The following ROBO1 variants were observed in gnomAD, a reference collection of about 807,000 sequenced individuals.
ROBO1 encodes roundabout homolog 1.
In ROBO1, 149 loss-of-function variants were observed where a neutral mutation model predicts 195.9. The observed-to-expected ratio is 0.76, with a 90% CI of 0.67 to 0.87. ROBO1 has a LOEUF of 0.87. Ranked by LOEUF, ROBO1 falls within the 40% of genes least tolerant of loss-of-function variation. The probability of loss-of-function intolerance (pLI) is 0.00; values close to 1 mark genes in which losing one functional copy is unlikely to be tolerated. For missense variants in ROBO1, 1,933 were observed against 2,068.3 expected (o/e 0.93, Z 1.27); for synonymous variants, 816 against 733.2 (o/e 1.11, Z -1.82).
chr3:79,573,139 G>A (rs970846633), intron 2 of ROBO1, among the ~76,000 whole-genome samples: 8 of 152,004 alleles, frequency 5.3e-5, no homozygotes, highest in Non-Finnish European at 8.8e-5. Context: ...AGCCTCCATC[G>A]GCTGGCTCAA....
intron 4 of ROBO1, among the ~76,000 whole-genome samples, chr3:78,847,182 C>T (rs935700672): frequency 6.6e-6 from 1 of 152,060 alleles, no homozygotes; most frequent in Admixed American, 6.6e-5. Flanking sequence ...ATATCCACTT[C>T]TGAGACATTA....
chr3:78,732,161 GCTTT>G (rs2082300508), intron 5 of ROBO1, among the ~76,000 whole-genome samples: 1 of 152,010 alleles, frequency 6.6e-6, no homozygotes, highest in South Asian at 2.1e-4. Context: ...TCTATAGAGG[GCTTT>G]CTTTGAGATA....
At chr3:78,711,354 C>CTTTCTTTCTTTCTTT (rs1559772810) in intron 8 of ROBO1, among the ~76,000 whole-genome samples, 2 of 65,180 alleles carry the variant, frequency 3.1e-5, no homozygotes, top group African/African-American at 8.0e-5. Context: ...CTTCCTCCTT[C>CTTTCTTTCTTTCTTT]CTTCCTTCCT....
chr3:78,938,615 G>C lies in ROBO1; in HGVS notation c.485C>G (p.Ser162Trp), dbSNP rs1320282147. ...YLGEAVSHNA[S>W]LEVAILRDDF... ...AGTTTACTTACTGGCTACTTCCAGC[G>C]ATGCATTGTGGCTCACAGCCTCTCC... The change falls in exon 4 of 31, where the codon TCG becomes TGG. Residue 162 changes from serine to tryptophan, a missense_variant. Ser to Trp is a radical substitution (Grantham distance 177). Coordinates refer to ENST00000464233, the MANE Select transcript of ROBO1 (RefSeq NM_002941.4). 1 of 1,608,934 alleles carries C rather than the reference G, an allele frequency of 6.2e-7. No homozygotes were observed. Among genetic ancestry groups the C allele is most frequent in the Admixed American group, 1.7e-5 (1 of 59,828 alleles).
intron 2 of ROBO1, among the ~76,000 whole-genome samples, chr3:79,542,244 A>T (rs1023146779): frequency 1.3e-5 from 2 of 152,054 alleles, no homozygotes; most frequent in African/African-American, 4.8e-5. Flanking sequence ...TCAGTGTATG[A>T]ATCTGTACCA....
chr3:79,428,961 G>A (rs1323077780), intron 2 of ROBO1, among the ~76,000 whole-genome samples: 1 of 152,066 alleles, frequency 6.6e-6, no homozygotes, highest in South Asian at 2.1e-4. Flanking sequence ...AGTTTGCTAG[G>A]AGAATGGACT....
At chr3:79,423,344 C>CT (rs1304257698) in intron 2 of ROBO1, among the ~76,000 whole-genome samples, 1 of 152,100 alleles carries the variant, frequency 6.6e-6, no homozygotes, top group African/African-American at 2.4e-5. Context: ...GCTAAGGAAA[C>CT]TTTGAGTTAT....
At chr3:79,415,605 A>T (rs1416656108) in intron 2 of ROBO1, among the ~76,000 whole-genome samples, 1 of 152,138 alleles carries the variant, frequency 6.6e-6, no homozygotes, top group Non-Finnish European at 1.5e-5. Flanking sequence ...CCTGGAAAGT[A>T]TGTTAACAAT....
intron 2 of ROBO1, among the ~76,000 whole-genome samples, chr3:79,161,590 A>T (rs1194403022): frequency 1.3e-5 from 2 of 152,174 alleles, no homozygotes; most frequent in East Asian, 3.9e-4. Flanking sequence ...TATATCCATA[A>T]GAAACAAGCT....
chr3:78,883,802 A>G (rs530852546), intron 4 of ROBO1, among the ~76,000 whole-genome samples: 1 of 152,266 alleles, frequency 6.6e-6, no homozygotes, highest in African/African-American at 2.4e-5. Context: ...CTCCTATCTG[A>G]CATCTAAAGT....
At chr3:78,791,552 C>T (rs1272286928) in intron 4 of ROBO1, among the ~76,000 whole-genome samples, 2 of 151,970 alleles carry the variant, frequency 1.3e-5, no homozygotes, top group Admixed American at 6.6e-5. Flanking sequence ...TCGTCGATAC[C>T]CTCTGATTAT....
intron 2 of ROBO1, among the ~76,000 whole-genome samples, chr3:79,307,986 T>C (rs920183196): frequency 1.3e-5 from 2 of 152,166 alleles, no homozygotes; most frequent in African/African-American, 4.8e-5. Flanking sequence ...ACATTGAGTG[T>C]CCTGCTTATA....
In ROBO1 at chr3:79,496,591, G is replaced by T. The variant is rs529664879; in HGVS notation, c.88+93233C>A. Among the ~76,000 whole-genome samples the T allele has an allele frequency of 3.6e-4, 54 of 149,532 alleles. No individual in the cohort carries two copies. The South Asian group carries it at 3.6e-3, about 10-fold the overall frequency. ...TTTAGTAGAGACGGGGTTTCACCTT[G>T]TTAGCCAGGATGGTCTCGATCTCCT... On this transcript the variant is annotated intron_variant, in intron 2 of 30. Coordinates refer to ENST00000464233, the MANE Select transcript of ROBO1 (RefSeq NM_002941.4).
At chr3:79,287,021 T>C (rs1418613285) in intron 2 of ROBO1, among the ~76,000 whole-genome samples, 1 of 152,184 alleles carries the variant, frequency 6.6e-6, no homozygotes, top group Admixed American at 6.5e-5. Flanking sequence ...TGTACATATA[T>C]GTCCTTTTGT....
chr3:79,609,748 C>T (rs1009037546), intron 1 of ROBO1, among the ~76,000 whole-genome samples: 3 of 151,234 alleles, frequency 2.0e-5, no homozygotes, highest in African/African-American at 4.9e-5. Context: ...ATAAGTTGGT[C>T]ACAAAACGAC....
rs1366637977 is a variant in ROBO1 at position 78,670,248 on chromosome 3, C to T, written c.1396G>A (p.Val466Ile). 5.0e-6 allele frequency: 8 copies of T among 1,591,990 alleles called. No individual in the cohort carries two copies. The highest frequency in any genetic ancestry group is 6.0e-6 in the Non-Finnish European group (7 of 1,168,182). ...VIRQGPVNQT[V>I]AVDGTFVLSC... ...AGGACGAAAGTGCCATCCACGGCTA[C>T]AGTCTGATTCACAGGACCTTGTCGA... is the stretch of plus-strand genomic sequence containing the variant. Residue 466 changes from valine (V) to isoleucine (I), a missense_variant, in exon 11 of 31, where the codon GTA becomes ATA. Physicochemically the swap from Val to Ile is conservative, Grantham distance 29 (BLOSUM62 3). Transcript: ENST00000464233.
At chr3:79,431,433 G>A (rs1269156468) in intron 2 of ROBO1, among the ~76,000 whole-genome samples, 1 of 152,042 alleles carries the variant, frequency 6.6e-6, no homozygotes, top group East Asian at 1.9e-4. Flanking sequence ...GTAAAGTACT[G>A]TATTCCATGT....
rs536886192 is a variant in ROBO1, at chr3:78,865,656, A to G, written c.499+72945T>C. Among the ~76,000 whole-genome samples the G allele has an allele frequency of 2.9e-3, 439 of 152,022 alleles. 2 individuals are homozygous for G. Among genetic ancestry groups the G allele is most frequent in the African/African-American group, 0.01 (418 of 41,488 alleles). On this transcript the variant is annotated intron_variant, in intron 4 of 30. Transcript: ENST00000464233. ...CCAGCTAATTTTTTGCATTTTTAGT[A>G]GAGACGGGGTTTCACCGTGTTAGCC...
intron 2 of ROBO1, among the ~76,000 whole-genome samples, chr3:79,215,134 C>T (rs2082032873): frequency 6.6e-6 from 1 of 151,984 alleles, no homozygotes; most frequent in African/African-American, 2.4e-5. Context: ...TGAATCAGAG[C>T]AAAAACACAG....
Sources: gnomAD v4.1 joint callset for allele counts (sites outside exome capture counted in the v4.1 genomes callset) on GRCh38, gnomAD v4.1.1 for gene constraint, MANE v1.5 for transcripts, NCBI Gene and HGNC (gene_info 2026-07-23, HGNC 2026-07-21) for gene names.